Variants in AFF3 observed in about 807,000 individuals in gnomAD.
The protein encoded by AFF3 is ALF transcription elongation factor 3.
Under a neutral mutation model 129.7 loss-of-function variants are expected in AFF3, and 32 were observed. The observed-to-expected ratio is 0.25, with a 90% CI of 0.19 to 0.33. AFF3 has a LOEUF of 0.33. AFF3 is among the 10% of genes least tolerant of loss of function. The pLI, the probability that AFF3 is intolerant of heterozygous loss-of-function variation, is 1.00. For synonymous variants in AFF3, 644 were observed against 635.4 expected, an observed-to-expected ratio of 1.01 and a Z score of -0.20; for missense variants, 1,373 against 1,592.0, an observed-to-expected ratio of 0.86 and a Z score of 2.34.
At chr2:99,847,730 A>G (rs921557443) in intron 7 of AFF3, among the ~76,000 whole-genome samples, 1 of 151,944 alleles carries the variant, frequency 6.6e-6, no homozygotes, top group Non-Finnish European at 1.5e-5. Context: ...AGAACGTCTC[A>G]GCAGTGACTG....
At chr2:99,857,812 C>G (rs1576202544) in intron 7 of AFF3, among the ~76,000 whole-genome samples, 2 of 152,154 alleles carry the variant, frequency 1.3e-5, no homozygotes, top group African/African-American at 4.8e-5. Context: ...TAGGGAAGTC[C>G]TTCTCCTCAA....
In AFF3 at chr2:99,997,479, C is replaced by G. The variant is rs200998058; in HGVS notation, c.873+9153G>C. Among the ~76,000 whole-genome samples the G allele has an allele frequency of 5.5e-3, 841 of 151,808 alleles. 14 individuals carry two copies. The highest frequency in any genetic ancestry group is 0.017 in the African/African-American group (697 of 41,376). On this transcript the variant is annotated intron_variant, in intron 7 of 24. Coordinates refer to ENST00000672756, the MANE Select transcript of AFF3 (RefSeq NM_001386135.1). ...CCCATGGTCCCAGCAACTATCACCCCCCCCCCAGATTAGCACAATAACCTG... is the reference window on the plus strand; with the variant it reads ...CCCATGGTCCCAGCAACTATCACCCGCCCCCCAGATTAGCACAATAACCTG...
At chr2:99,845,580 G>C (rs915745228) in intron 7 of AFF3, among the ~76,000 whole-genome samples, 2 of 152,154 alleles carry the variant, frequency 1.3e-5, no homozygotes, top group African/African-American at 4.8e-5. Context: ...TCAACACTGG[G>C]TGAAGAAACC....
At chr2:99,617,958 A>G (rs1681604040) in intron 13 of AFF3, among the ~76,000 whole-genome samples, 1 of 152,104 alleles carries the variant, frequency 6.6e-6, no homozygotes, top group African/African-American at 2.4e-5. Flanking sequence ...TCAGGAGTGA[A>G]ACTTTCCCAA....
intron 11 of AFF3, among the ~76,000 whole-genome samples, chr2:99,683,763 G>A (rs781763169): frequency 1.2e-4 from 19 of 152,058 alleles, no homozygotes; most frequent in Non-Finnish European, 2.4e-4. Flanking sequence ...TTAATTTCTC[G>A]ACCACCTCCG....
At chr2:100,057,896 A>T (rs1686938702) in intron 4 of AFF3, among the ~76,000 whole-genome samples, 1 of 152,220 alleles carries the variant, frequency 6.6e-6, no homozygotes, top group South Asian at 2.1e-4. Context: ...GAATCAAGAT[A>T]AACTATTATT....
intron 7 of AFF3, among the ~76,000 whole-genome samples, chr2:99,976,520 G>C (rs1678908232): frequency 6.6e-6 from 1 of 152,180 alleles, no homozygotes. Context: ...AGATAGAGCT[G>C]AGGTTTTGGC....
intron 7 of AFF3, among the ~76,000 whole-genome samples, chr2:100,001,707 T>A (rs1296630828): frequency 1.1e-5 from 1 of 89,784 alleles, no homozygotes; most frequent in African/African-American, 9.9e-5. Context: ...ATTACAGGCG[T>A]TAAGCCACTG....
chr2:100,002,166 A>C (rs1054295256), intron 7 of AFF3, among the ~76,000 whole-genome samples: 4 of 152,234 alleles, frequency 2.6e-5, no homozygotes, highest in African/African-American at 9.6e-5. Flanking sequence ...AACATTATAC[A>C]TCTCAAATGT....
At chr2:100,023,463 A>G (rs553243685) in intron 4 of AFF3, among the ~76,000 whole-genome samples, 1 of 152,310 alleles carries the variant, frequency 6.6e-6, no homozygotes, top group East Asian at 1.9e-4. Flanking sequence ...CATACTAGAA[A>G]ATTACTAAAC....
intron 4 of AFF3, among the ~76,000 whole-genome samples, chr2:100,091,338 A>G (rs889439293): frequency 1.2e-4 from 18 of 152,232 alleles, no homozygotes; most frequent in African/African-American, 4.1e-4. Context: ...AAAATCTGCC[A>G]TCAAACGTTA....
intron 13 of AFF3, among the ~76,000 whole-genome samples, chr2:99,611,807 A>C (rs1680954867): frequency 6.6e-6 from 1 of 152,116 alleles, no homozygotes; most frequent in South Asian, 2.1e-4. Context: ...GAATCGCTTG[A>C]ACATGAAAGG....
chr2:100,053,976 C>G (rs1270442285), intron 4 of AFF3, among the ~76,000 whole-genome samples: 1 of 152,176 alleles, frequency 6.6e-6, no homozygotes, highest in Non-Finnish European at 1.5e-5. Context: ...CACCACACCC[C>G]CAATGGCTGC....
intron 2 of AFF3, among the ~76,000 whole-genome samples, chr2:100,121,416 A>G (rs778493790): frequency 6.6e-6 from 1 of 152,250 alleles, no homozygotes; most frequent in East Asian, 1.9e-4. Flanking sequence ...ATGAAGGAGC[A>G]GTGGTTATAT....
intron 7 of AFF3, among the ~76,000 whole-genome samples, chr2:99,869,203 C>G (rs543192170): frequency 6.6e-6 from 1 of 152,238 alleles, no homozygotes; most frequent in East Asian, 1.9e-4. Context: ...AAATCTGACA[C>G]CAAGAAAAGC....
chr2:100,108,308 T>C (rs192625963), intron 2 of AFF3, among the ~76,000 whole-genome samples: 1 of 152,294 alleles, frequency 6.6e-6, no homozygotes, highest in Admixed American at 6.5e-5. Context: ...TCCCTCTCTC[T>C]CCACAGGTAT....
intron 8 of AFF3, among the ~76,000 whole-genome samples, chr2:99,837,262 G>A (rs891480614): frequency 2.6e-5 from 4 of 152,282 alleles, no homozygotes; most frequent in Non-Finnish European, 4.4e-5. Context: ...CACTTTAATA[G>A]GGTGTCACCT....
chr2:99,838,165 G>A (rs1330236596), intron 7 of AFF3, among the ~76,000 whole-genome samples: 2 of 152,176 alleles, frequency 1.3e-5, no homozygotes, highest in Non-Finnish European at 2.9e-5. Flanking sequence ...AGCCGACTCT[G>A]GGGAGCATTT....
At chr2:99,843,172 T>C (rs1689448723) in intron 7 of AFF3, among the ~76,000 whole-genome samples, 1 of 152,250 alleles carries the variant, frequency 6.6e-6, no homozygotes, top group Non-Finnish European at 1.5e-5. Context: ...TGAGCTCAGA[T>C]GCAGGGACCA....
Sources: gnomAD v4.1 joint callset for allele counts (sites outside exome capture counted in the v4.1 genomes callset) on GRCh38, gnomAD v4.1.1 for gene constraint, MANE v1.5 for transcripts, NCBI Gene and HGNC (gene_info 2026-07-23, HGNC 2026-07-21) for gene names.